Variants in GGTA1 observed in about 807,000 individuals in gnomAD.
The protein encoded by GGTA1 is inactive N-acetyllactosaminide alpha-1,3-galactosyltransferase.
Under a neutral mutation model 2.6 loss-of-function variants are expected in GGTA1, and 5 were observed. That is an observed-to-expected ratio of 1.92 (90% CI 1.00 to 4.04). The LOEUF (loss-of-function observed/expected upper bound fraction) is 4.04, where lower values mean the gene tolerates loss of function less well. Among genes scored for constraint, GGTA1 ranks in the 30% most tolerant of loss-of-function variants. The pLI, the probability that GGTA1 is intolerant of heterozygous loss-of-function variation, is 0.00. For missense variants in GGTA1, 50 were observed against 16.7 expected, an observed-to-expected ratio of 2.99 and a Z score of -3.47; for synonymous variants, 17 against 5.0, an observed-to-expected ratio of 3.38 and a Z score of -3.19.
intron 1 of GGTA1, among the ~76,000 whole-genome samples, chr9:121,491,159 C>T (rs1334187274): frequency 1.3e-5 from 2 of 152,108 alleles, no homozygotes; most frequent in Non-Finnish European, 2.9e-5. Flanking sequence ...CTCGGGGAGC[C>T]AGGCCTCCTT....
chr9:121,479,887 CAGCACAA>C (rs1007800527), intron 1 of GGTA1, among the ~76,000 whole-genome samples: 1 of 152,158 alleles, frequency 6.6e-6, no homozygotes, highest in African/African-American at 2.4e-5. Context: ...GGATCTCCCA[CAGCACAA>C]AGCACACTAC....
intron 1 of GGTA1, among the ~76,000 whole-genome samples, chr9:121,473,341 C>T: frequency 7.9e-6 from 1 of 125,960 alleles, no homozygotes; most frequent in Non-Finnish European, 1.8e-5. Context: ...AAAAAAAAGA[C>T]TTAGAATTGG....
chr9:121,488,099 GTGTGTGTGTGTGCGTGTGTGCGTGCA>G (rs1828798203), intron 1 of GGTA1, among the ~76,000 whole-genome samples: 1 of 130,982 alleles, frequency 7.6e-6, no homozygotes. Context: ...GGTTGTGGAT[GTGTGTGTGTGTGCGTGTGTGCGTGCA>G]TGTGTGTGTG....
intron 7 of GGTA1, among the ~76,000 whole-genome samples, chr9:121,448,580 G>A (rs1000074690): frequency 9.9e-5 from 15 of 151,990 alleles, no homozygotes; most frequent in African/African-American, 2.4e-4. Context: ...AGCCACATTC[G>A]GTGGCTGAGT....
downstream of GGTA1, among the ~76,000 whole-genome samples, chr9:121,452,652 G>C (rs915153224): frequency 6.6e-6 from 1 of 152,018 alleles, no homozygotes; most frequent in African/African-American, 2.4e-5. Context: ...TCAAGTAGCT[G>C]GGATTATAAG....
At chr9:121,450,179 T>C (rs2064871630), downstream of GGTA1, among the ~76,000 whole-genome samples, 1 of 152,198 alleles carries the variant, frequency 6.6e-6, no homozygotes, top group African/African-American at 2.4e-5. Context: ...GTTTATAGTA[T>C]TGATTCTTTA....
In GGTA1 at chr9:121,455,590, A is replaced by C. The variant is rs1210927546; in HGVS notation, c.*247T>G. On this transcript the variant is annotated 3_prime_UTR_variant, in exon 6 of 6. Transcript: ENST00000481799. ...TATGGAGCCTTTTGCCATTTAATTTATATAAAAGACCCAACTGGAGTGTCT... is the reference window on the plus strand; with the variant it reads ...TATGGAGCCTTTTGCCATTTAATTTCTATAAAAGACCCAACTGGAGTGTCT... 6.0e-6 allele frequency: 1 copy of C among 166,764 alleles called. No homozygotes were observed. The allele number at this position is 166,764 out of a possible 1,614,324, so 10.3% of individuals were successfully genotyped here.
At chr9:121,467,114 G>T (rs2065010715) in intron 2 of GGTA1, among the ~76,000 whole-genome samples, 1 of 152,118 alleles carries the variant, frequency 6.6e-6, no homozygotes, top group Non-Finnish European at 1.5e-5. Flanking sequence ...GAACCTTAAG[G>T]CTGAGCTTTT....
intron 2 of GGTA1, among the ~76,000 whole-genome samples, chr9:121,466,953 CAAA>C (rs397894554): frequency 2.2e-3 from 222 of 99,926 alleles, no homozygotes; most frequent in African/African-American, 5.0e-3. Flanking sequence ...GACTCTGTCT[CAAA>C]AAAAAAAAAA....
chr9:121,459,609 G>A (rs2064943034), intron 5 of GGTA1, among the ~76,000 whole-genome samples: 1 of 152,004 alleles, frequency 6.6e-6, no homozygotes, highest in Non-Finnish European at 1.5e-5. Flanking sequence ...ATTCCTAATG[G>A]AGGTCCCCAC....
intron 1 of GGTA1, among the ~76,000 whole-genome samples, chr9:121,483,769 T>C (rs1237592986): frequency 6.6e-6 from 1 of 152,186 alleles, no homozygotes; most frequent in African/African-American, 2.4e-5. Flanking sequence ...TGGCTTCATG[T>C]CCCAGGTCAC....
intron 4 of GGTA1, among the ~76,000 whole-genome samples, chr9:121,460,969 C>G (rs1254072565): frequency 6.6e-6 from 1 of 151,210 alleles, no homozygotes; most frequent in Non-Finnish European, 1.5e-5. Context: ...TCTAGCTACT[C>G]GTGAGGCTGA....
rs77006914 is a variant in GGTA1, at chr9:121,472,593, C to T, written c.-9-4662G>A. On this transcript the variant is annotated intron_variant, in intron 1 of 5. Coordinates refer to ENST00000481799, the MANE Select transcript of GGTA1 (RefSeq NM_001382585.1). ...TGCAAATAAATGCAAATGAAGGACT[C>T]TAAAGGTTTACCCATCTGTTCTGTG... is the stretch of plus-strand genomic sequence containing the variant. Among the ~76,000 whole-genome samples, 1,272 of 152,316 alleles carry T rather than the reference C, an allele frequency of 8.4e-3. 19 individuals are homozygous for T. Among genetic ancestry groups the T allele is most frequent in the African/African-American group, 0.029 (1,210 of 41,570 alleles).
At chr9:121,468,957 T>A (rs1435569394) in intron 1 of GGTA1, among the ~76,000 whole-genome samples, 80 of 152,260 alleles carry the variant, frequency 5.3e-4, no homozygotes. Context: ...GGTATAGTGA[T>A]AACACATTCC....
At chr9:121,485,696 C>G (rs944755308) in intron 1 of GGTA1, among the ~76,000 whole-genome samples, 12 of 152,182 alleles carry the variant, frequency 7.9e-5, no homozygotes, top group Non-Finnish European at 1.3e-4. Flanking sequence ...TTAGCACACA[C>G]AAAGACCTTT....
intron 1 of GGTA1, among the ~76,000 whole-genome samples, chr9:121,493,339 C>T (rs897683039): frequency 6.6e-6 from 1 of 152,124 alleles, no homozygotes; most frequent in African/African-American, 2.4e-5. Context: ...CCGAGGGCTC[C>T]AAGCCACCCT....
intron 1 of GGTA1, among the ~76,000 whole-genome samples, chr9:121,489,932 A>G (rs1442666282): frequency 6.6e-6 from 1 of 152,186 alleles, no homozygotes; most frequent in Non-Finnish European, 1.5e-5. Context: ...CTGCAAAAGA[A>G]CTACTTTCTT....
intron 1 of GGTA1, among the ~76,000 whole-genome samples, chr9:121,485,550 C>T (rs1437515280): frequency 2.0e-5 from 3 of 152,162 alleles, no homozygotes; most frequent in African/African-American, 7.2e-5. Flanking sequence ...GTAGTCAGTG[C>T]TGAGTGGATG....
intron 1 of GGTA1, among the ~76,000 whole-genome samples, chr9:121,477,513 A>G (rs1828537688): frequency 6.7e-6 from 1 of 149,774 alleles, no homozygotes; most frequent in South Asian, 2.1e-4. Context: ...ATTTGTTGTG[A>G]TATCACTTCT....
Sources: allele counts gnomAD v4.1 joint callset (sites outside exome capture counted in the v4.1 genomes callset), GRCh38; gene constraint gnomAD v4.1.1; transcripts MANE v1.5; gene names NCBI Gene and HGNC (gene_info 2026-07-23, HGNC 2026-07-21).